Variants in MLLT3 observed in about 807,000 individuals in gnomAD.
MLLT3 encodes protein AF-9.
MLLT3 carries 4 observed loss-of-function variants against 53.2 expected under a neutral mutation model. That is an observed-to-expected ratio of 0.08 (90% confidence interval 0.04 to 0.17). The LOEUF is 0.17. MLLT3 is among the 10% of genes least tolerant of loss of function. MLLT3 has a pLI of 1.00. For synonymous variants in MLLT3, 283 were observed against 230.6 expected, an observed-to-expected ratio of 1.23 and a Z score of -2.06; for missense variants, 569 against 684.0, an observed-to-expected ratio of 0.83 and a Z score of 1.87.
intron 2 of MLLT3, among the ~76,000 whole-genome samples, chr9:20,461,174 C>G (rs1470307494): frequency 6.6e-6 from 1 of 152,062 alleles, no homozygotes; most frequent in Non-Finnish European, 1.5e-5. Context: ...GAGAAACAGA[C>G]CAAAGTTTTT....
intron 2 of MLLT3, among the ~76,000 whole-genome samples, chr9:20,573,129 T>C (rs924717966): frequency 3.9e-5 from 6 of 152,030 alleles, no homozygotes; most frequent in Non-Finnish European, 7.4e-5. Flanking sequence ...AGAACTTTTT[T>C]TTTTTTTCGC....
chr9:20,366,827 C>A (rs1359361745), intron 5 of MLLT3, among the ~76,000 whole-genome samples: 2 of 152,188 alleles, frequency 1.3e-5, no homozygotes, highest in Non-Finnish European at 2.9e-5. Flanking sequence ...AAAAAAAGCT[C>A]ATCATTACTG....
At chr9:20,359,467 T>G (rs1022683257) in intron 8 of MLLT3, among the ~76,000 whole-genome samples, 1 of 152,202 alleles carries the variant, frequency 6.6e-6, no homozygotes, top group Non-Finnish European at 1.5e-5. Flanking sequence ...CTATAAGAGA[T>G]AATGAGGCTG....
intron 2 of MLLT3, among the ~76,000 whole-genome samples, chr9:20,491,233 C>T (rs1283353777): frequency 6.6e-6 from 1 of 152,076 alleles, no homozygotes; most frequent in African/African-American, 2.4e-5. Flanking sequence ...CAATCAAAGG[C>T]TACGTTTTAA....
chr9:20,546,486 G>T (rs1478795288), intron 2 of MLLT3, among the ~76,000 whole-genome samples: 3 of 151,614 alleles, frequency 2.0e-5, no homozygotes, highest in Non-Finnish European at 1.5e-5. Context: ...GAAGGCTGCA[G>T]TGAGCTCTGA....
chr9:20,423,163 C>T (rs994824789), intron 4 of MLLT3, among the ~76,000 whole-genome samples: 1 of 152,122 alleles, frequency 6.6e-6, no homozygotes, highest in African/African-American at 2.4e-5. Context: ...TTGCAAGTAG[C>T]TGTGGGACTA....
intron 4 of MLLT3, among the ~76,000 whole-genome samples, chr9:20,432,039 A>T (rs1563963330): frequency 6.6e-6 from 1 of 152,176 alleles, no homozygotes; most frequent in East Asian, 1.9e-4. Flanking sequence ...ACAGATAGTT[A>T]GAGTGGTTTG....
At position 20,448,667 on chromosome 9, in the gene MLLT3, T is replaced by C. The variant is rs923927525; in HGVS notation, c.277-401A>G. On this transcript the variant is annotated intron_variant, in intron 3 of 10. Transcript: ENST00000380338. The surrounding 1 kb of genome is among the most constrained non-coding windows in gnomAD (Gnocchi z 4.0). ...AGCCCTCTAACTCTTACTACTAGGC[T>C]TTTACTCATGGCCCAAACTATAAAC... Among the ~76,000 whole-genome samples the C allele has an allele frequency of 3.3e-5, 5 of 152,168 alleles. No individual in the cohort carries two copies. Among genetic ancestry groups the C allele is most frequent in the Non-Finnish European group, 7.4e-5 (5 of 68,016 alleles).
At chr9:20,362,438 C>T (rs1046108532) in intron 7 of MLLT3, among the ~76,000 whole-genome samples, 2 of 152,082 alleles carry the variant, frequency 1.3e-5, no homozygotes, top group Non-Finnish European at 2.9e-5. Flanking sequence ...GGTCTTTTTT[C>T]CCTATCAGTT....
intron 2 of MLLT3, among the ~76,000 whole-genome samples, chr9:20,584,764 T>C (rs937990508): frequency 1.3e-5 from 2 of 152,216 alleles, no homozygotes; most frequent in Admixed American, 6.5e-5. Context: ...GGAGATACAA[T>C]TCAAGTTGAG....
At chr9:20,355,095 T>TAAAA (rs531598773) in intron 8 of MLLT3, among the ~76,000 whole-genome samples, 1,438 of 63,914 alleles carry the variant, frequency 0.022, 25 homozygotes, top group African/African-American at 0.07. Flanking sequence ...AAAGTAGAAC[T>TAAAA]AAAAAAAAAA....
At chr9:20,490,399 C>T (rs992278639) in intron 2 of MLLT3, among the ~76,000 whole-genome samples, 7 of 152,360 alleles carry the variant, frequency 4.6e-5, no homozygotes, top group South Asian at 4.1e-4. Context: ...GAATTTGTCA[C>T]GCCATTGCTG....
At chr9:20,451,017 A>G (rs1189752515) in intron 3 of MLLT3, among the ~76,000 whole-genome samples, 1 of 152,212 alleles carries the variant, frequency 6.6e-6, no homozygotes, top group African/African-American at 2.4e-5. Context: ...ACAAAAATAT[A>G]CTATTAAATG....
At position 20,563,408 on chromosome 9, in the gene MLLT3, A is replaced by G. The variant is rs908097333; in HGVS notation, c.193+57246T>C. 3.9e-5 allele frequency among the ~76,000 whole-genome samples: 6 copies of G among 152,018 alleles called. 1 individual carries two copies. Among genetic ancestry groups the G allele is most frequent in the African/African-American group, 9.7e-5 (4 of 41,396 alleles). ...CCTGCTGGGTAGGGAGGGGTGTCAT[A>G]TATTTGACAAATAATAATTGAAACA... On this transcript the variant is annotated intron_variant, in intron 2 of 10. Coordinates refer to ENST00000380338, the MANE Select transcript of MLLT3 (RefSeq NM_004529.4).
At chr9:20,390,923 G>A (rs1432571740) in intron 5 of MLLT3, among the ~76,000 whole-genome samples, 1 of 152,132 alleles carries the variant, frequency 6.6e-6, no homozygotes, top group African/African-American at 2.4e-5. Context: ...GACTTGCCTA[G>A]GCAACATAGT....
At chr9:20,418,692 C>T (rs1302079402) in intron 4 of MLLT3, among the ~76,000 whole-genome samples, 1 of 152,132 alleles carries the variant, frequency 6.6e-6, no homozygotes, top group Non-Finnish European at 1.5e-5. Flanking sequence ...TCACTACATG[C>T]TACAGCCTGG....
At position 20,353,507 on chromosome 9, in the gene MLLT3, C is replaced by G. The variant is rs778204698; in HGVS notation, c.1575+18G>C. On this transcript the variant is annotated intron_variant, in intron 10 of 10. Transcript: ENST00000380338. ...CTTGAAGTTTCTGGAAAGGGTTGTG[C>G]TAAAAAGCATTTCTCACCTGCTGCA... 112 of 1,610,880 alleles carry G rather than the reference C, an allele frequency of 7.0e-5. No homozygotes were observed. Among genetic ancestry groups the G allele is most frequent in the Admixed American group, 1.3e-4 (8 of 59,990 alleles).
intron 2 of MLLT3, among the ~76,000 whole-genome samples, chr9:20,537,275 T>C (rs1477496841): frequency 1.3e-5 from 2 of 152,208 alleles, no homozygotes; most frequent in Non-Finnish European, 2.9e-5. Context: ...CAGAATAGAA[T>C]GTATTCCATA....
intron 2 of MLLT3, among the ~76,000 whole-genome samples, chr9:20,500,808 C>T (rs1404714401): frequency 6.6e-6 from 1 of 152,184 alleles, no homozygotes; most frequent in East Asian, 1.9e-4. Flanking sequence ...TACCACAGGT[C>T]ATATAGAGAA....
Sources: allele counts gnomAD v4.1 joint callset (sites outside exome capture counted in the v4.1 genomes callset), GRCh38; gene constraint gnomAD v4.1.1; non-coding constraint Gnocchi (gnomAD v3.1); transcripts MANE v1.5; gene names NCBI Gene and HGNC (gene_info 2026-07-23, HGNC 2026-07-21).